LCA5L: variants seen among roughly 807,000 people sequenced by gnomAD.
LCA5L encodes the protein lebercilin-like protein.
In LCA5L, 35 loss-of-function variants were observed where a neutral mutation model predicts 45.4. That is an observed-to-expected ratio of 0.77 (90% CI 0.59 to 1.02). The LOEUF (loss-of-function observed/expected upper bound fraction) is 1.02, where lower values mean the gene tolerates loss of function less well. Among genes scored for constraint, LCA5L ranks in the 50% least tolerant of loss-of-function variants. The probability of loss-of-function intolerance (pLI) is 0.00; values close to 1 mark genes in which losing one functional copy is unlikely to be tolerated. For synonymous variants in LCA5L, 233 were observed against 264.7 expected (o/e 0.88, Z 1.16); for missense variants, 668 against 761.6 (o/e 0.88, Z 1.45).
intron 7 of LCA5L, among the ~76,000 whole-genome samples, chr21:39,412,153 A>C (rs1339900508): frequency 1.4e-4 from 22 of 152,204 alleles, no homozygotes; most frequent in Middle Eastern, 3.2e-3. Flanking sequence ...TTTAAATGAA[A>C]GTAAAACTAA....
chr21:39,425,387 T>C (rs1252810117), intron 5 of LCA5L, among the ~76,000 whole-genome samples: 1 of 152,222 alleles, frequency 6.6e-6, no homozygotes, highest in Non-Finnish European at 1.5e-5. Context: ...AAAGAACTCA[T>C]AGATTATACA....
At position 39,423,010 on chromosome 21, in the gene LCA5L, G is replaced by T. The variant is rs2074031738; in HGVS notation, c.803C>A (p.Thr268Lys). 2 of 1,613,662 alleles carry T rather than the reference G, an allele frequency of 1.2e-6. No individual in the cohort carries two copies. The highest frequency in any genetic ancestry group is 1.7e-6 in the Non-Finnish European group (2 of 1,179,936). Residue 268 changes from threonine (T) to lysine (K), a missense_variant, in exon 6 of 11, where the codon ACA (threonine) becomes AAA (lysine). Transcript: ENST00000288350. ...EELTHKLSII[T>K]TKMDANDKKI... ...TTTGTCATTTGCGTCCATTTTTGTT[G>T]TGATAATAGATAATTTATGAGTGAG...
Position 39,405,972 on chromosome 21 carries a change from G to A in LCA5L, c.1923C>T (p.Thr641=). ...SHPLPPSQAS[T]SHAFGDSKVT... Reference sequence around the variant, plus strand: ...CTTTAGAGTCTCCGAAAGCATGGCTGGTGGAGGCCTGACTGGGAGGCAGGG... The same window carrying A: ...CTTTAGAGTCTCCGAAAGCATGGCTAGTGGAGGCCTGACTGGGAGGCAGGG... Residue 641 remains threonine (T), a synonymous_variant, in exon 11 of 11, where the codon ACC becomes ACT. Coordinates refer to ENST00000288350, the MANE Select transcript of LCA5L (RefSeq NM_152505.4). The A allele has an allele frequency of 6.2e-7, 1 of 1,614,092 alleles. No individual in the cohort carries two copies. The highest frequency in any genetic ancestry group is 8.5e-7 in the Non-Finnish European group (1 of 1,179,916).
chr21:39,433,673 C>T (rs1213200657), intron 3 of LCA5L, among the ~76,000 whole-genome samples: 1 of 151,908 alleles, frequency 6.6e-6, no homozygotes, highest in African/African-American at 2.4e-5. Flanking sequence ...CCCAGATATT[C>T]ATATGTTGAT....
intron 2 of LCA5L, among the ~76,000 whole-genome samples, chr21:39,436,743 A>C (rs942963149): frequency 6.6e-6 from 1 of 152,136 alleles, no homozygotes; most frequent in Non-Finnish European, 1.5e-5. Context: ...GGCCTCCCAA[A>C]GTGCTGGGAT....
At chr21:39,408,973 T>C (rs2039590560) in intron 10 of LCA5L, among the ~76,000 whole-genome samples, 1 of 152,244 alleles carries the variant, frequency 6.6e-6, no homozygotes, top group Non-Finnish European at 1.5e-5. Flanking sequence ...TATTTAAGGA[T>C]ACTATTATGA....
chr21:39,427,268 G>A (rs2147881865), intron 5 of LCA5L, among the ~76,000 whole-genome samples: 1 of 152,314 alleles, frequency 6.6e-6, no homozygotes, highest in African/African-American at 2.4e-5. Flanking sequence ...TGGGAGGAAG[G>A]AATTACAGTC....
intron 6 of LCA5L, chr21:39,422,607 G>A (rs916290147): frequency 3.3e-5 from 11 of 333,344 alleles, no homozygotes; most frequent in African/African-American, 2.1e-4. Flanking sequence ...ACAGTTTAAG[G>A]TAGAGGGTTG....
intron 7 of LCA5L, among the ~76,000 whole-genome samples, chr21:39,415,076 A>AT (rs1175880809): frequency 4.6e-5 from 7 of 151,970 alleles, no homozygotes; most frequent in South Asian, 2.1e-4. Context: ...TAATTTCTAA[A>AT]TTTTTTTGTA....
chr21:39,410,789 G>A (rs1261344401), intron 8 of LCA5L: 1 of 468,752 alleles, frequency 2.1e-6, no homozygotes, highest in Non-Finnish European at 4.4e-6. Context: ...AAAAGTGAAG[G>A]AAATTATATC....
chr21:39,411,853 C>T (rs998711562), intron 7 of LCA5L, 51 bp from the exon 8 acceptor site: 1 of 1,036,072 alleles, frequency 9.7e-7, no homozygotes. Context: ...CTTTTGTCAA[C>T]CCTGATTTCT....
At chr21:39,440,874 G>C (rs1196086561) in intron 2 of LCA5L, among the ~76,000 whole-genome samples, 2 of 152,182 alleles carry the variant, frequency 1.3e-5, no homozygotes, top group African/African-American at 4.8e-5. Context: ...GAACAGAAAA[G>C]CTCTTCTCTA....
rs78157297 is a variant in LCA5L at position 39,409,543 on chromosome 21, A to G, written c.1282+436T>C. Among the ~76,000 whole-genome samples the G allele has an allele frequency of 6.6e-6, 1 of 152,032 alleles. No homozygotes were observed. ...TCATCCACTGTTTCTTAAGCAGGCT[A>G]CTGGGTACATAGGTGTTCCTTTCAT... On this transcript the variant is annotated intron_variant, in intron 10 of 10. Coordinates refer to ENST00000288350, the MANE Select transcript of LCA5L (RefSeq NM_152505.4). This position sits in a 1 kb window ranked among gnomAD's most constrained non-coding sequence, Gnocchi z 4.2.
intron 5 of LCA5L, among the ~76,000 whole-genome samples, chr21:39,427,159 T>G (rs551617553): frequency 8.5e-5 from 13 of 152,306 alleles, no homozygotes; most frequent in African/African-American, 2.9e-4. Context: ...AGGCCCTTTA[T>G]TGTCCTCCTG....
At chr21:39,419,345 C>T (rs1441540545) in intron 7 of LCA5L, among the ~76,000 whole-genome samples, 10 of 151,934 alleles carry the variant, frequency 6.6e-5, no homozygotes, top group Admixed American at 4.6e-4. Context: ...GGCAACACAG[C>T]GAGACCCCGT....
intron 7 of LCA5L, among the ~76,000 whole-genome samples, chr21:39,418,511 A>T (rs1368134039): frequency 2.0e-5 from 3 of 151,190 alleles, no homozygotes; most frequent in South Asian, 2.1e-4. Flanking sequence ...TTTTTTTTAA[A>T]TTTTTTTGAG....
At chr21:39,444,573 T>G (rs73367984) in intron 1 of LCA5L, 55,881 of 151,982 alleles carry the variant, frequency 0.37, 10,660 homozygotes, top group African/African-American at 0.43. Flanking sequence ...CCATTAAGAC[T>G]GTCATGCTCA....
chr21:39,410,953 G>C (rs1424258687), intron 8 of LCA5L: 1 of 470,462 alleles, frequency 2.1e-6, no homozygotes, highest in East Asian at 6.9e-5. Flanking sequence ...TATTCCTATG[G>C]TACTTCTGAG....
chr21:39,434,466 A>AAT (rs2076096918), intron 3 of LCA5L, among the ~76,000 whole-genome samples: 1 of 152,124 alleles, frequency 6.6e-6, no homozygotes, highest in Non-Finnish European at 1.5e-5. Flanking sequence ...TCCACATACA[A>AAT]ATTTCTGATT....
Sources: gnomAD v4.1 joint callset for allele counts (sites outside exome capture counted in the v4.1 genomes callset) on GRCh38, gnomAD v4.1.1 for gene constraint, Gnocchi (gnomAD v3.1) non-coding constraint, MANE v1.5 for transcripts, NCBI Gene and HGNC (gene_info 2026-07-23, HGNC 2026-07-21) for gene names.